The following AVEN variants were observed in gnomAD, a reference collection of about 807,000 sequenced individuals.
AVEN encodes cell death regulator Aven.
A neutral mutation model predicts 38.1 loss-of-function variants in AVEN; 41 were observed. That is an observed-to-expected ratio of 1.08 (90% CI 0.84 to 1.40). AVEN has a LOEUF of 1.40. Ranked by LOEUF, AVEN falls within the 40% of genes most tolerant of loss-of-function variation. The probability of loss-of-function intolerance (pLI) is 0.00; values close to 1 mark genes in which losing one functional copy is unlikely to be tolerated. For missense variants in AVEN, 605 were observed against 438.8 expected (o/e 1.38, Z -3.38); for synonymous variants, 206 against 171.8 (o/e 1.20, Z -1.56).
rs1436260770 is a variant in AVEN at position 33,936,491 on chromosome 15, GAATA to G, written c.446-60500_446-60497del. Among the ~76,000 whole-genome samples, 9 of 152,280 alleles carry G rather than the reference GAATA, an allele frequency of 5.9e-5. No individual in the cohort carries two copies. In the East Asian group the frequency reaches 1.3e-3, roughly 23 times the overall value. On this transcript the variant is annotated intron_variant, in intron 2 of 5. Transcript: ENST00000306730. ...TATTATTCTACAATATAAAAGAACA[GAATA>G]AATAAATGGGGAAATTTGCCATGAT...
intron 2 of AVEN, among the ~76,000 whole-genome samples, chr15:34,069,093 G>T (rs1175045657): frequency 6.6e-6 from 1 of 151,560 alleles, no homozygotes; most frequent in Non-Finnish European, 1.5e-5. Flanking sequence ...TTACAGGAGT[G>T]AGCCACCGCG....
intron 2 of AVEN, among the ~76,000 whole-genome samples, chr15:33,942,111 C>CA (rs1341874412): frequency 6.6e-6 from 1 of 152,094 alleles, no homozygotes; most frequent in Non-Finnish European, 1.5e-5. Flanking sequence ...ATGAAAATCA[C>CA]AAAAAAATTA....
At chr15:33,987,524 C>A (rs1896529656) in intron 2 of AVEN, among the ~76,000 whole-genome samples, 1 of 152,170 alleles carries the variant, frequency 6.6e-6, no homozygotes, top group African/African-American at 2.4e-5. Context: ...CCAGCTGCAG[C>A]CTCTGGGACC....
chr15:33,860,773 A>C, intron 11 of AVEN: 1 of 858,982 alleles, frequency 1.2e-6, no homozygotes, highest in Non-Finnish European at 1.8e-6. Context: ...GCAAGAACGC[A>C]GTTTGTTTTC....
At chr15:33,988,701 A>G (rs753573912) in intron 2 of AVEN, among the ~76,000 whole-genome samples, 11 of 152,236 alleles carry the variant, frequency 7.2e-5, no homozygotes, top group Non-Finnish European at 1.3e-4. Flanking sequence ...CACAAGTAAA[A>G]CACTGTAGAA....
chr15:33,936,265 C>A (rs1459784675), intron 2 of AVEN, among the ~76,000 whole-genome samples: 2 of 152,132 alleles, frequency 1.3e-5, no homozygotes, highest in Non-Finnish European at 2.9e-5. Context: ...ACACAGCAGA[C>A]TACATGGAAA....
intron 2 of AVEN, among the ~76,000 whole-genome samples, chr15:33,983,154 G>A (rs144635315): frequency 1.8e-5 from 2 of 111,754 alleles, no homozygotes; most frequent in African/African-American, 8.7e-5. Context: ...GTGTGTGTGT[G>A]TGTGTATGTG....
At chr15:34,074,245 G>A (rs1485466600) in intron 1 of AVEN, among the ~76,000 whole-genome samples, 3 of 151,524 alleles carry the variant, frequency 2.0e-5, no homozygotes, top group East Asian at 1.9e-4. Flanking sequence ...TGATCCACCC[G>A]CCTCAGCCTC....
intron 2 of AVEN, among the ~76,000 whole-genome samples, chr15:33,980,448 G>A (rs79175788): frequency 1.3e-5 from 2 of 152,088 alleles, no homozygotes; most frequent in African/African-American, 2.4e-5. Context: ...CTCTCCAAAC[G>A]TGCTGCCTCC....
chr15:34,021,607 C>G (rs1898203508), intron 1 of AVEN, among the ~76,000 whole-genome samples: 3 of 152,150 alleles, frequency 2.0e-5, no homozygotes, highest in African/African-American at 4.8e-5. Context: ...GTAATCCCAG[C>G]ACTTTGGGAG....
intron 1 of AVEN, among the ~76,000 whole-genome samples, chr15:34,015,705 C>A (rs1489942539): frequency 1.3e-5 from 2 of 152,088 alleles, no homozygotes; most frequent in African/African-American, 4.8e-5. Context: ...CTCTAACAGA[C>A]AAAAAGGTAA....
At chr15:34,026,927 T>C (rs1470324903) in intron 1 of AVEN, among the ~76,000 whole-genome samples, 4 of 152,122 alleles carry the variant, frequency 2.6e-5, no homozygotes, top group African/African-American at 9.7e-5. Flanking sequence ...AAGAGTGACA[T>C]GATGTGTTTT....
chr15:33,892,285 C>T (rs1892012775), intron 2 of AVEN, among the ~76,000 whole-genome samples: 1 of 152,124 alleles, frequency 6.6e-6, no homozygotes, highest in African/African-American at 2.4e-5. Flanking sequence ...GGCATTTTAG[C>T]CATGAAGTCC....
chr15:33,889,654 G>T (rs925650454), intron 2 of AVEN, among the ~76,000 whole-genome samples: 4 of 152,178 alleles, frequency 2.6e-5, no homozygotes, highest in Admixed American at 6.5e-5. Flanking sequence ...TTTATTTTTA[G>T]TTTTGAAAAA....
chr15:33,861,671 TGGGTCTTGTCAAA>T (rs926956746), downstream of AVEN, among the ~76,000 whole-genome samples: 1 of 152,192 alleles, frequency 6.6e-6, no homozygotes. Flanking sequence ...ATCATAATAT[TGGGTCTTGTCAAA>T]GGGGCCTGTA....
At chr15:33,915,602 CA>C (rs1321498553) in intron 2 of AVEN, among the ~76,000 whole-genome samples, 2 of 152,328 alleles carry the variant, frequency 1.3e-5, no homozygotes, top group East Asian at 3.9e-4. Context: ...GAAAAGACCA[CA>C]AGGAGAAGGG....
intron 2 of AVEN, among the ~76,000 whole-genome samples, chr15:33,878,157 C>A (rs1597182249): frequency 6.6e-6 from 1 of 152,220 alleles, no homozygotes; most frequent in African/African-American, 2.4e-5. Context: ...ATTCACTATT[C>A]AATCCCAAAA....
intron 1 of AVEN, among the ~76,000 whole-genome samples, chr15:34,012,073 C>A (rs1206163936): frequency 6.6e-6 from 1 of 152,112 alleles, no homozygotes; most frequent in African/African-American, 2.4e-5. Flanking sequence ...ACTTCTGAAG[C>A]TTTTTAACAA....
intron 2 of AVEN, among the ~76,000 whole-genome samples, chr15:33,964,335 A>G (rs1295248881): frequency 6.6e-6 from 1 of 152,154 alleles, no homozygotes; most frequent in African/African-American, 2.4e-5. Context: ...AAGGATGACA[A>G]ATTAGGAAAG....
Sources: gnomAD v4.1 joint callset for allele counts (sites outside exome capture counted in the v4.1 genomes callset) on GRCh38, gnomAD v4.1.1 for gene constraint, MANE v1.5 for transcripts, NCBI Gene and HGNC (gene_info 2026-07-23, HGNC 2026-07-21) for gene names.